FAM167A: variants seen among roughly 807,000 people sequenced by gnomAD.
FAM167A encodes protein FAM167A.
FAM167A carries 23 observed loss-of-function variants against 14.9 expected under a neutral mutation model. The observed-to-expected ratio is 1.55, with a 90% CI of 1.11 to 2.19. FAM167A has a LOEUF of 2.19. FAM167A is among the 30% of genes most tolerant of loss of function. The pLI, the probability that FAM167A is intolerant of heterozygous loss-of-function variation, is 0.00. For missense variants in FAM167A, 401 were observed against 281.5 expected, an observed-to-expected ratio of 1.42 and a Z score of -3.04; for synonymous variants, 174 against 117.7, an observed-to-expected ratio of 1.48 and a Z score of -3.10.
chr8:11,456,453 C>T (rs1807314484), intron 1 of FAM167A, among the ~76,000 whole-genome samples: 1 of 93,674 alleles, frequency 1.1e-5, no homozygotes, highest in African/African-American at 4.4e-5. Flanking sequence ...TGGGTACTTG[C>T]CCTGCTGTAT....
rs542859321 is a variant in FAM167A at position 11,442,638 on chromosome 8, TGGGGGCTGTGCGCGGTCTGTCCTG to T, written c.381+1369_381+1392del. On this transcript the variant is annotated intron_variant, in intron 2 of 2. Transcript: ENST00000284486. ...TAGCCTCAGCCATTCAAAGAGCAGC[TGGGGGCTGTGCGCGGTCTGTCCTG>T]GGGCACTGTGCATCTCCCCTCACCT... 8.6e-3 allele frequency among the ~76,000 whole-genome samples: 1,308 copies of T among 152,214 alleles called. 10 individuals carry two copies. The highest frequency in any genetic ancestry group is 0.015 in the Non-Finnish European group (987 of 67,996).
chr8:11,443,571 C>T, intron 2 of FAM167A: 1 of 174,200 alleles, frequency 5.7e-6, no homozygotes, highest in Non-Finnish European at 1.2e-5. Flanking sequence ...AGCCACTGTG[C>T]CCCATGGAGC....
intron 2 of FAM167A, among the ~76,000 whole-genome samples, chr8:11,433,065 G>T (rs993633548): frequency 6.6e-6 from 1 of 152,122 alleles, no homozygotes; most frequent in Non-Finnish European, 1.5e-5. Flanking sequence ...GGCCTGTTGG[G>T]GGGTAGGGAG....
At position 11,444,793 on chromosome 8, in the gene FAM167A, C is replaced by A. The variant is rs988413918; in HGVS notation, c.-382G>T. On this transcript the variant is annotated 5_prime_UTR_variant, in exon 2 of 3. Transcript: ENST00000284486. ...CAGAGCTCTCTCTTCTCGGGAAGGG[C>A]AGGTGGCTGGAGACCCTGTGGGAGG... 6.9e-6 allele frequency: 7 copies of A among 1,008,676 alleles called. No individual in the cohort carries two copies. Among genetic ancestry groups the A allele is most frequent in the Non-Finnish European group, 8.3e-6 (7 of 845,104 alleles). The allele number at this position is 1,008,676 out of a possible 1,614,324, so 62.5% of individuals were successfully genotyped here.
rs575371082 is a variant in FAM167A, at chr8:11,455,274, CTGTG to C, written c.-397-10470_-397-10467del. On this transcript the variant is annotated intron_variant, in intron 1 of 2. Transcript: ENST00000284486. ...GAGTGTGGGTGGTGGTTGCCTTGCT[CTGTG>C]TGTGTCTGGGGGGGGTGGTTACCCT... Among the ~76,000 whole-genome samples, 5 of 97,212 alleles carry C rather than the reference CTGTG, an allele frequency of 5.1e-5. No homozygotes were observed. The South Asian group carries it at 1.1e-3, about 22-fold the overall frequency. The allele number at this position is 97,212 out of a possible 152,430, so 63.8% of individuals were successfully genotyped here.
chr8:11,459,029 A>G (rs1807438812), intron 1 of FAM167A, among the ~76,000 whole-genome samples: 1 of 152,326 alleles, frequency 6.6e-6, no homozygotes, highest in East Asian at 1.9e-4. Flanking sequence ...ACTTCAACAC[A>G]TACTTTCTGA....
upstream of FAM167A, among the ~76,000 whole-genome samples, chr8:11,470,017 A>G (rs1032809191): frequency 6.6e-5 from 10 of 152,254 alleles, no homozygotes; most frequent in African/African-American, 2.2e-4. Flanking sequence ...AATACCAGAC[A>G]TTGTTCTAGG....
intron 1 of FAM167A, among the ~76,000 whole-genome samples, chr8:11,449,793 C>T (rs896584482): frequency 2.0e-5 from 3 of 152,210 alleles, no homozygotes; most frequent in Admixed American, 6.5e-5. Flanking sequence ...AGGCCCACAG[C>T]GGCTCCTTGG....
rs557515563 is a variant in FAM167A, at chr8:11,422,676, G to A, written c.*1697C>T. 1 of 152,310 alleles carries A rather than the reference G, an allele frequency of 6.6e-6. No individual in the cohort carries two copies. Among genetic ancestry groups the A allele is most frequent in the South Asian group, 2.1e-4 (1 of 4,816 alleles). The allele number at this position is 152,310 out of a possible 1,614,324, so 9.4% of individuals were successfully genotyped here. On this transcript the variant is annotated 3_prime_UTR_variant, in exon 3 of 3. Transcript: ENST00000284486. ...TCTGTCTACTAGAGATCATTCATTT[G>A]CATTGTCCTACTCTCAGCCCACAAA...
chr8:11,440,229 G>A (rs922021530), intron 2 of FAM167A, among the ~76,000 whole-genome samples: 7 of 152,196 alleles, frequency 4.6e-5, no homozygotes, highest in Non-Finnish European at 8.8e-5. Context: ...CAGCCAGAGA[G>A]CCACACATCT....
chr8:11,433,252 G>T (rs1162497549), intron 2 of FAM167A, among the ~76,000 whole-genome samples: 1 of 152,040 alleles, frequency 6.6e-6, no homozygotes, highest in Non-Finnish European at 1.5e-5. Context: ...CCGACCATTG[G>T]AAGCACAAGG....
rs370002992 is a variant in FAM167A, at chr8:11,445,041, C to A, written c.-397-233G>T. Reference sequence around the variant, plus strand: ...TTTACCATTTATATAAAAACGACTCCGCCTCTACTATCTTATTTAATGCCC... The same window carrying A: ...TTTACCATTTATATAAAAACGACTCAGCCTCTACTATCTTATTTAATGCCC... On this transcript the variant is annotated intron_variant, in intron 1 of 2. Coordinates refer to ENST00000284486, the MANE Select transcript of FAM167A (RefSeq NM_053279.3). 66 of 842,080 alleles carry A rather than the reference C, an allele frequency of 7.8e-5. 1 individual carries two copies. The South Asian group carries it at 2.8e-3, about 36-fold the overall frequency. The allele number at this position is 842,080 out of a possible 1,614,324, so 52.2% of individuals were successfully genotyped here.
upstream of FAM167A, among the ~76,000 whole-genome samples, chr8:11,470,528 G>C (rs1001165100): frequency 1.6e-4 from 24 of 152,200 alleles, no homozygotes; most frequent in Non-Finnish European, 1.5e-5. Flanking sequence ...CTTCCCCCGA[G>C]GGGAGCTCCA....
At chr8:11,436,401 C>T (rs1280664354) in intron 2 of FAM167A, among the ~76,000 whole-genome samples, 10 of 152,352 alleles carry the variant, frequency 6.6e-5, no homozygotes, top group Non-Finnish European at 1.5e-5. Context: ...AGGCTGCGAG[C>T]ATGGCCCAGG....
At chr8:11,445,688 A>C (rs1262776637) in intron 1 of FAM167A, 1 of 891,892 alleles carries the variant, frequency 1.1e-6, no homozygotes, top group Non-Finnish European at 1.3e-6. Flanking sequence ...TCTAACTCCC[A>C]GTAAGAAGAG....
chr8:11,465,943 G>A (rs964702402), intron 1 of FAM167A, among the ~76,000 whole-genome samples: 2 of 152,074 alleles, frequency 1.3e-5, no homozygotes, highest in African/African-American at 4.8e-5. Context: ...AAGCCCCGCC[G>A]GGAATAAAAA....
intron 1 of FAM167A, among the ~76,000 whole-genome samples, 169 bp downstream of exon 1, chr8:11,466,457 G>C (rs1460615448): frequency 1.4e-5 from 2 of 146,838 alleles, no homozygotes; most frequent in Non-Finnish European, 2.9e-5. Flanking sequence ...GCCTCTCCCG[G>C]GGGGGCGGTA....
In FAM167A at chr8:11,424,345, C is replaced by T. The variant is rs1231284194; in HGVS notation, c.*28G>A. 3.1e-6 allele frequency: 5 copies of T among 1,611,522 alleles called. No individual in the cohort carries two copies. Among genetic ancestry groups the T allele is most frequent in the African/African-American group, 1.3e-5 (1 of 74,848 alleles). ...CCCCTCCAGCCCAAGCCCTCCGCTC[C>T]AGCCCCTCCGCCCAGTCTGAGGGCT... On this transcript the variant is annotated 3_prime_UTR_variant, in exon 3 of 3. Coordinates refer to ENST00000284486, the MANE Select transcript of FAM167A (RefSeq NM_053279.3).
intron 1 of FAM167A, among the ~76,000 whole-genome samples, chr8:11,464,193 T>C (rs1807659339): frequency 6.6e-6 from 1 of 152,076 alleles, no homozygotes. Flanking sequence ...TCACCTTCTT[T>C]CTCCATGCTT....
Sources: gnomAD v4.1 joint callset for allele counts (sites outside exome capture counted in the v4.1 genomes callset) on GRCh38, gnomAD v4.1.1 for gene constraint, MANE v1.5 for transcripts, NCBI Gene and HGNC (gene_info 2026-07-23, HGNC 2026-07-21) for gene names.